TMEM106B: variants seen among roughly 807,000 people sequenced by gnomAD.
TMEM106B encodes transmembrane protein 106B.
A neutral mutation model predicts 31.1 loss-of-function variants in TMEM106B; 15 were observed. That is an observed-to-expected ratio of 0.48 (90% confidence interval 0.32 to 0.74). The LOEUF is 0.74. Ranked by LOEUF, TMEM106B falls within the 30% of genes least tolerant of loss-of-function variation. The pLI, the probability that TMEM106B is intolerant of heterozygous loss-of-function variation, is 0.03. For missense variants in TMEM106B, 283 were observed against 327.3 expected (o/e 0.86, Z 1.04); for synonymous variants, 126 against 112.5 (o/e 1.12, Z -0.76).
chr7:12,223,342 AT>A (rs11368032), intron 3 of TMEM106B, among the ~76,000 whole-genome samples: 76,916 of 151,164 alleles, frequency 0.51, 20,524 homozygotes, highest in African/African-American at 0.66. Flanking sequence ...TGGTTGTGTC[AT>A]TTTTTTTTAA....
Position 12,241,330 on chromosome 7 carries a change from C to T in TMEM106B, c.*9355C>T, listed in dbSNP as rs1347929823. 1 of 151,996 alleles carries T rather than the reference C, an allele frequency of 6.6e-6. No individual in the cohort carries two copies. Among genetic ancestry groups the T allele is most frequent in the African/African-American group, 2.4e-5 (1 of 41,360 alleles). 9.4% of individuals were successfully genotyped at this position (151,996 alleles called of 1,614,324 possible). On this transcript the variant is annotated 3_prime_UTR_variant, in exon 8 of 8. Transcript: ENST00000396668. ...GGTTTGTTACATAGGTATACACGTG[C>T]CATGTTGGTTTGCTGCACCCATCAA...
intron 4 of TMEM106B, among the ~76,000 whole-genome samples, chr7:12,226,555 T>G (rs1313062462): frequency 6.6e-6 from 1 of 152,066 alleles, no homozygotes; most frequent in Non-Finnish European, 1.5e-5. Context: ...GTGATAGTTG[T>G]TTTTTCTTGC....
chr7:12,240,307 A>G lies in TMEM106B; in HGVS notation c.*8332A>G, dbSNP rs1782217498. The G allele has an allele frequency of 6.6e-6, 1 of 151,922 alleles. No homozygotes were observed. The highest frequency in any genetic ancestry group is 2.1e-4 in the South Asian group (1 of 4,824). 9.4% of individuals were successfully genotyped at this position (151,922 alleles called of 1,614,324 possible). ...CCCACTTCGTGTCCAACCCCTCTCT[A>G]CTTTCCCTCTAAACTTACTCAAACA... On this transcript the variant is annotated 3_prime_UTR_variant, in exon 8 of 8. Transcript: ENST00000396668.
chr7:12,230,419 G>C lies in TMEM106B; in HGVS notation c.613G>C (p.Glu205Gln), dbSNP rs1379680956. 2.5e-6 allele frequency: 4 copies of C among 1,599,870 alleles called. No homozygotes were observed. The highest frequency in any genetic ancestry group is 3.4e-6 in the Non-Finnish European group (4 of 1,170,634). ...TTACACAGTACCTACCGTTATAGCAGAGGAAATGAGTTATATGTAGTAAGT... is the reference window on the plus strand; with the variant it reads ...TTACACAGTACCTACCGTTATAGCACAGGAAATGAGTTATATGTAGTAAGT... The part of the protein sequence containing the change: ...IDYTVPTVIA[E>Q]EMSYMYDFCT... Residue 205 changes from glutamate (E) to glutamine (Q), a missense_variant, in exon 6 of 8, where the codon GAG becomes CAG. Physicochemically the swap from Glu to Gln is conservative, Grantham distance 29. Around this residue, in one of 3 missense-constraint regions of TMEM106B, gnomAD observed 201 missense variants for 211.5 expected, o/e 0.95. Coordinates refer to ENST00000396668, the MANE Select transcript of TMEM106B (RefSeq NM_001134232.2).
chr7:12,229,662 G>A lies in TMEM106B; in HGVS notation c.442-17G>A. ...TTTTTAGCTAACTTGTAAATTTTCT[G>A]TGTCCTTTTTTTGTAGAACACACTA... On this transcript the variant is annotated splice_polypyrimidine_tract_variant and intron_variant, in intron 4 of 7. Coordinates refer to ENST00000396668, the MANE Select transcript of TMEM106B (RefSeq NM_001134232.2). The A allele has an allele frequency of 6.6e-7, 1 of 1,520,452 alleles. No homozygotes were observed. The highest frequency in any genetic ancestry group is 8.8e-7 in the Non-Finnish European group (1 of 1,134,282). 94.2% of individuals were successfully genotyped at this position (1,520,452 alleles called of 1,614,324 possible). A position where few individuals can be genotyped will look rare whatever the true frequency, so the allele number is the denominator to read the frequency against.
intron 3 of TMEM106B, among the ~76,000 whole-genome samples, chr7:12,219,351 G>C (rs1781744956): frequency 6.6e-6 from 1 of 152,140 alleles, no homozygotes; most frequent in Non-Finnish European, 1.5e-5. Flanking sequence ...CCCTTGAACA[G>C]TGAAGCTAGC....
intron 4 of TMEM106B, among the ~76,000 whole-genome samples, chr7:12,228,052 C>G (rs1562708162): frequency 6.6e-6 from 1 of 151,834 alleles, no homozygotes; most frequent in Non-Finnish European, 1.5e-5. Flanking sequence ...CTATCTCTTT[C>G]CTATCATGTC....
At chr7:12,215,687 G>C (rs971880928) in intron 2 of TMEM106B, 7 of 316,266 alleles carry the variant, frequency 2.2e-5, no homozygotes, top group Non-Finnish European at 3.4e-5. Context: ...CAAAGTGTTA[G>C]AATTACAGCT....
intron 4 of TMEM106B, among the ~76,000 whole-genome samples, chr7:12,226,034 T>G (rs984826327): frequency 3.9e-5 from 6 of 152,198 alleles, no homozygotes; most frequent in African/African-American, 1.4e-4. Context: ...TACTCCATCT[T>G]GAGTTAATTT....
At position 12,240,260 on chromosome 7, in the gene TMEM106B, C is replaced by T. The variant is rs540743350; in HGVS notation, c.*8285C>T. ...AATTATTTGCCCATGTTTTTTATCCCCCAATTCTATCTTTTTCAATGCCCA... is the reference window on the plus strand; with the variant it reads ...AATTATTTGCCCATGTTTTTTATCCTCCAATTCTATCTTTTTCAATGCCCA... On this transcript the variant is annotated 3_prime_UTR_variant, in exon 8 of 8. Transcript: ENST00000396668. 1 of 152,044 alleles carries T rather than the reference C, an allele frequency of 6.6e-6. No individual in the cohort carries two copies. Among genetic ancestry groups the T allele is most frequent in the Non-Finnish European group, 1.5e-5 (1 of 68,016 alleles). The allele number at this position is 152,044 out of a possible 1,614,324, so 9.4% of individuals were successfully genotyped here.
At chr7:12,225,016 C>T (rs149105187) in intron 4 of TMEM106B, among the ~76,000 whole-genome samples, 2,099 of 152,200 alleles carry the variant, frequency 0.014, 50 homozygotes, top group African/African-American at 0.048. Flanking sequence ...ATCCCTCCCC[C>T]ATCCCTCCAC....
chr7:12,221,195 A>T lies in TMEM106B; in HGVS notation c.281+2674A>T, dbSNP rs139345875. On this transcript the variant is annotated intron_variant, in intron 3 of 7. Coordinates refer to ENST00000396668, the MANE Select transcript of TMEM106B (RefSeq NM_001134232.2). The stretch of plus-strand genomic sequence containing the variant: ...AAAAATTGAGACAAAAGGAAACATT[A>T]TTCTAACTGTATATGAAGTTGGTGA... 9.0e-3 allele frequency among the ~76,000 whole-genome samples: 1,363 copies of T among 152,254 alleles called. 25 individuals are homozygous for T. The highest frequency in any genetic ancestry group is 0.031 in the African/African-American group (1,295 of 41,536).
intron 2 of TMEM106B, among the ~76,000 whole-genome samples, chr7:12,217,596 TTAGCC>T (rs1201588308): frequency 6.6e-6 from 1 of 152,150 alleles, no homozygotes; most frequent in East Asian, 1.9e-4. Context: ...GGTTGTAGTT[TTAGCC>T]AGATGAATAC....
chr7:12,235,703 A>C lies in TMEM106B; in HGVS notation c.*3728A>C, dbSNP rs1782118394. 6.6e-6 allele frequency: 1 copy of C among 151,896 alleles called. No homozygotes were observed. Among genetic ancestry groups the C allele is most frequent in the Non-Finnish European group, 1.5e-5 (1 of 67,846 alleles). The allele number at this position is 151,896 out of a possible 1,614,324, so 9.4% of individuals were successfully genotyped here. A position where few individuals can be genotyped will look rare whatever the true frequency, so the allele number is the denominator to read the frequency against. On this transcript the variant is annotated 3_prime_UTR_variant, in exon 8 of 8. Transcript: ENST00000396668. ...GTCTTTTAAAGTTCTTAGAATAAAC[A>C]GTTCTTTATATAATAATTATATTTT...
rs1056297873 is a variant in TMEM106B at position 12,240,593 on chromosome 7, G to T, written c.*8618G>T. The T allele has an allele frequency of 4.0e-5, 6 of 151,788 alleles. No homozygotes were observed. The highest frequency in any genetic ancestry group is 5.9e-5 in the Non-Finnish European group (4 of 67,982). 9.4% of individuals were successfully genotyped at this position (151,788 alleles called of 1,614,324 possible). A position where few individuals can be genotyped will look rare whatever the true frequency, so the allele number is the denominator to read the frequency against. ...TAGAATAATATGGAAAAACGAAAAT[G>T]AAAAGATGTATTACCTGAATGTGCT... On this transcript the variant is annotated 3_prime_UTR_variant, in exon 8 of 8. Transcript: ENST00000396668.
intron 1 of TMEM106B, among the ~76,000 whole-genome samples, chr7:12,213,348 T>G (rs949254730): frequency 6.6e-6 from 1 of 152,216 alleles, no homozygotes; most frequent in Non-Finnish European, 1.5e-5. Flanking sequence ...TTGCGAGTGT[T>G]TAAATGTTTA....
At position 12,240,822 on chromosome 7, in the gene TMEM106B, C is replaced by G. The variant is rs1200387143; in HGVS notation, c.*8847C>G. ...CTTTGATTTGAGAGCAGAAGACCTG[C>G]AGCCCCTGACTGCTCACCTTTCCAG... On this transcript the variant is annotated 3_prime_UTR_variant, in exon 8 of 8. Transcript: ENST00000396668. 1 of 152,126 alleles carries G rather than the reference C, an allele frequency of 6.6e-6. No homozygotes were observed. The highest frequency in any genetic ancestry group is 1.5e-5 in the Non-Finnish European group (1 of 68,038). 9.4% of individuals were successfully genotyped at this position (152,126 alleles called of 1,614,324 possible).
At chr7:12,222,976 T>C (rs13311466) in intron 3 of TMEM106B, among the ~76,000 whole-genome samples, 8,565 of 152,104 alleles carry the variant, frequency 0.056, 332 homozygotes, top group Middle Eastern at 0.11. Context: ...AAATGGAAAA[T>C]TTTTGTATAA....
chr7:12,231,953 A>G lies in TMEM106B; in HGVS notation c.803A>G (p.Asn268Ser), dbSNP rs1782034242. Residue 268 changes from asparagine to serine, a missense_variant, in exon 8 of 8, where the codon AAT becomes AGT. Asn to Ser is a conservative substitution (Grantham distance 46). Around this residue, in one of 3 missense-constraint regions of TMEM106B, gnomAD observed 201 missense variants for 211.5 expected, o/e 0.95. Transcript: ENST00000396668. Reference sequence around the variant, plus strand: ...CAGTTGGGGCAGTCTGAATATTTAAATGTACTTCAGCCACAACAGTAAAAA... The same window carrying G: ...CAGTTGGGGCAGTCTGAATATTTAAGTGTACTTCAGCCACAACAGTAAAAA... ...TYQLGQSEYLNVLQPQQ is the reference protein window; with the variant it reads ...TYQLGQSEYLSVLQPQQ 2 of 1,611,994 alleles carry G rather than the reference A, an allele frequency of 1.2e-6. No homozygotes were observed. The highest frequency in any genetic ancestry group is 4.5e-5 in the East Asian group (2 of 44,776).
Sources: gnomAD v4.1 joint callset for allele counts (sites outside exome capture counted in the v4.1 genomes callset) on GRCh38, gnomAD v4.1.1 for gene constraint, gnomAD v4.1.1 regional missense constraint, MANE v1.5 for transcripts, NCBI Gene and HGNC (gene_info 2026-07-23, HGNC 2026-07-21) for gene names.